Variants in SNAP91 observed in about 807,000 individuals in gnomAD.
SNAP91 encodes synaptosome associated protein 91.
In SNAP91, 27 loss-of-function variants were observed where a neutral mutation model predicts 100.3. The observed-to-expected ratio is 0.27, with a 90% CI of 0.20 to 0.37. The LOEUF (loss-of-function observed/expected upper bound fraction) is 0.37. SNAP91 is among the 10% of genes least tolerant of loss of function. The pLI, the probability that SNAP91 is intolerant of heterozygous loss-of-function variation, is 1.00. For synonymous variants in SNAP91, 404 were observed against 398.6 expected (o/e 1.01, Z -0.16); for missense variants, 986 against 1,123.7 (o/e 0.88, Z 1.75).
chr6:83,636,133 ACT>A (rs1431834525), intron 8 of SNAP91, among the ~76,000 whole-genome samples: 1 of 151,016 alleles, frequency 6.6e-6, no homozygotes, highest in African/African-American at 2.4e-5. Context: ...AAGCTTGATG[ACT>A]CTGTGCCTTG....
chr6:83,679,111 T>C (rs2098951459), intron 2 of SNAP91, among the ~76,000 whole-genome samples: 1 of 152,006 alleles, frequency 6.6e-6, no homozygotes, highest in East Asian at 1.9e-4. Flanking sequence ...ATAACAACTA[T>C]CTATATAGCA....
At chr6:83,616,046 T>C (rs530534940) in intron 10 of SNAP91, among the ~76,000 whole-genome samples, 5 of 152,282 alleles carry the variant, frequency 3.3e-5, no homozygotes, top group East Asian at 3.9e-4. Flanking sequence ...AGTGTTTAAA[T>C]GGACATAATG....
intron 8 of SNAP91, among the ~76,000 whole-genome samples, chr6:83,629,577 G>A (rs35157273): frequency 0.18 from 27,099 of 151,846 alleles, 3,085 homozygotes; most frequent in South Asian, 0.28. Flanking sequence ...TCACCTCCTC[G>A]GTTCGGTATA....
intron 14 of SNAP91, among the ~76,000 whole-genome samples, chr6:83,604,205 T>G (rs1051048782): frequency 6.6e-6 from 1 of 151,746 alleles, no homozygotes; most frequent in Non-Finnish European, 1.5e-5. Context: ...AATAAATTAT[T>G]AGCAAATTAA....
chr6:83,580,483 C>A lies in SNAP91; in HGVS notation c.2266G>T (p.Asp756Tyr). The A allele has an allele frequency of 6.2e-7, 1 of 1,612,748 alleles. No homozygotes were observed. Among genetic ancestry groups the A allele is most frequent in the Non-Finnish European group, 8.5e-7 (1 of 1,179,492 alleles). The part of the protein sequence containing the change: ...AMAASKALGS[D>Y]LDSSLASLVG... ...AAGCTGGCAAGAGATGAATCAAGAT[C>A]ACTTCCAAGGGCTTTGCTGGCTGCC... The change falls in exon 24 of 30, where the codon GAT becomes TAT. Residue 756 changes from aspartate to tyrosine, a missense_variant. This residue lies in a region of SNAP91 where 575 missense variants were observed against 579.9 expected (regional missense o/e 0.99). Coordinates refer to ENST00000369694, the MANE Select transcript of SNAP91 (RefSeq NM_001242792.2).
intron 2 of SNAP91, among the ~76,000 whole-genome samples, chr6:83,699,093 T>G (rs900970655): frequency 6.6e-6 from 1 of 152,120 alleles, no homozygotes; most frequent in Non-Finnish European, 1.5e-5. Flanking sequence ...CTGTGGAACC[T>G]CTCTGAAGCA....
rs2129099170 is a variant in SNAP91 at position 83,708,855 on chromosome 6, A to AGCG, written c.-44_-42dup. On this transcript the variant is annotated 5_prime_UTR_variant, in exon 1 of 30. Transcript: ENST00000369694. ...GCCGCGGGTACTCACCCCGCCCCTG[A>AGCG]GCGGCGCCGCCCGCCGCAGGATGAG... 1 of 151,662 alleles carries AGCG rather than the reference A, an allele frequency of 6.6e-6. No homozygotes were observed. The highest frequency in any genetic ancestry group is 1.5e-5 in the Non-Finnish European group (1 of 67,882). The allele number at this position is 151,662 out of a possible 1,614,324, so 9.4% of individuals were successfully genotyped here.
intron 8 of SNAP91, among the ~76,000 whole-genome samples, chr6:83,634,477 G>A (rs1032466431): frequency 3.3e-5 from 5 of 152,160 alleles, no homozygotes; most frequent in African/African-American, 1.2e-4. Flanking sequence ...GCTTTCTTCA[G>A]GGAGTCTGTG....
At chr6:83,658,874 A>G (rs1423209554) in intron 6 of SNAP91, 125 bp downstream of exon 6, 1 of 695,488 alleles carries the variant, frequency 1.4e-6, no homozygotes, top group African/African-American at 1.8e-5. Flanking sequence ...AGCCTGAACT[A>G]AGTATTCATC....
chr6:83,611,863 ATTTTTTTTTTTTTTTTTT>A (rs750966269), intron 11 of SNAP91, among the ~76,000 whole-genome samples: 2 of 91,250 alleles, frequency 2.2e-5, no homozygotes, highest in East Asian at 3.1e-4. Flanking sequence ...CGCCCGGCTA[ATTTTTTTTTTTTTTTTTT>A]TTTTTTTTTT....
At chr6:83,707,324 T>C (rs1227807260) in intron 2 of SNAP91, among the ~76,000 whole-genome samples, 2 of 151,996 alleles carry the variant, frequency 1.3e-5, no homozygotes, top group East Asian at 3.9e-4. Context: ...TTAAAAAGAT[T>C]ATACTACCTT....
intron 2 of SNAP91, among the ~76,000 whole-genome samples, chr6:83,697,146 C>T (rs1323623294): frequency 6.6e-6 from 1 of 152,082 alleles, no homozygotes; most frequent in East Asian, 1.9e-4. Context: ...TTAATAGTAT[C>T]ACCAATAACT....
At chr6:83,600,054 T>C (rs1399223027) in intron 16 of SNAP91, among the ~76,000 whole-genome samples, 1 of 152,154 alleles carries the variant, frequency 6.6e-6, no homozygotes, top group East Asian at 1.9e-4. Flanking sequence ...AAAGTACTAG[T>C]ATTACAGATG....
chr6:83,592,968 A>G lies in SNAP91; in HGVS notation c.1824T>C (p.Ser608=). 6.3e-7 allele frequency: 1 copy of G among 1,585,126 alleles called. No homozygotes were observed. The highest frequency in any genetic ancestry group is 1.2e-5 in the South Asian group (1 of 86,274). The part of the protein sequence containing the change: ...PQGASPVPES[S]LTADLLSVDA... ...CACCAGATAAGAGGTCAGCAGTGAGAGAACTCTCAGGCACAGGAGAGGCCC... is the reference window on the plus strand; with the variant it reads ...CACCAGATAAGAGGTCAGCAGTGAGGGAACTCTCAGGCACAGGAGAGGCCC... The change falls in exon 20 of 30, where the codon TCT becomes TCC. Residue 608 remains serine, a synonymous_variant. Transcript: ENST00000369694.
intron 26 of SNAP91, among the ~76,000 whole-genome samples, chr6:83,572,156 C>T (rs1809089009): frequency 6.6e-6 from 1 of 152,168 alleles, no homozygotes; most frequent in Non-Finnish European, 1.5e-5. Flanking sequence ...GTCTTAGTTG[C>T]CTCATCCATA....
intron 28 of SNAP91, among the ~76,000 whole-genome samples, chr6:83,558,667 T>G (rs1782505563): frequency 6.6e-6 from 1 of 152,238 alleles, no homozygotes; most frequent in South Asian, 2.1e-4. Context: ...GCAGCAGGTA[T>G]TCCATGGATA....
Position 83,593,277 on chromosome 6 carries a change from C to T in SNAP91, c.1697-18G>A, listed in dbSNP as rs1279444887. ...AAATAAATCTAAGACCAAGAACACA[C>T]ATGCCTTTACTCAACTTGAACAATA... On this transcript the variant is annotated intron_variant, in intron 18 of 29. Transcript: ENST00000369694. 1 of 1,575,908 alleles carries T rather than the reference C, an allele frequency of 6.3e-7. No homozygotes were observed. The highest frequency in any genetic ancestry group is 8.6e-7 in the Non-Finnish European group (1 of 1,159,894).
chr6:83,589,031 G>A (rs917270222), intron 22 of SNAP91, among the ~76,000 whole-genome samples: 36 of 152,122 alleles, frequency 2.4e-4, no homozygotes, highest in African/African-American at 7.0e-4. Flanking sequence ...TTTATGGGCC[G>A]TTTTAATCTT....
At chr6:83,636,217 C>A (rs1054640459) in intron 8 of SNAP91, among the ~76,000 whole-genome samples, 1 of 152,136 alleles carries the variant, frequency 6.6e-6, no homozygotes, top group Non-Finnish European at 1.5e-5. Context: ...ATCTCTCCAG[C>A]AAGACTGGGT....
Sources: allele counts gnomAD v4.1 joint callset (sites outside exome capture counted in the v4.1 genomes callset), GRCh38; gene constraint gnomAD v4.1.1; regional missense constraint gnomAD v4.1.1; transcripts MANE v1.5; gene names NCBI Gene and HGNC (gene_info 2026-07-23, HGNC 2026-07-21).